ABCG2: variants seen among roughly 807,000 people sequenced by gnomAD.
ABCG2 encodes the protein ATP binding cassette subfamily G member 2 (JR blood group), also known as broad substrate specificity ATP-binding cassette transporter ABCG2.
In ABCG2, 80 loss-of-function variants were observed where a neutral mutation model predicts 73.5. The ratio of observed to expected loss-of-function variants is 1.09; its 90% CI spans 0.91 to 1.31. The LOEUF is 1.31. Among genes scored for constraint, ABCG2 ranks in the 50% most tolerant of loss-of-function variants. The pLI, the probability that ABCG2 is intolerant of heterozygous loss-of-function variation, is 0.00. For synonymous variants in ABCG2, 269 were observed against 282.4 expected, an observed-to-expected ratio of 0.95 and a Z score of 0.48; for missense variants, 796 against 786.2, an observed-to-expected ratio of 1.01 and a Z score of -0.15.
In ABCG2 at chr4:88,132,576, G is replaced by C. The variant is rs200415908; in HGVS notation, c.263C>G (p.Ser88Trp). 1 of 1,614,078 alleles carries C rather than the reference G, an allele frequency of 6.2e-7. No homozygotes were observed. Among genetic ancestry groups the C allele is most frequent in the Non-Finnish European group, 8.5e-7 (1 of 1,179,988 alleles). The change falls in exon 3 of 16, where the codon TCG (serine) becomes TGG (tryptophan). Residue 88 changes from serine (S) to tryptophan (W), a missense_variant and splice_region_variant. Transcript: ENST00000237612. ...CTTACTTATACTCTCTTATACTCACGAAGATTTGCCTCCACCTGTGGGTCC... is the reference window on the plus strand; with the variant it reads ...CTTACTTATACTCTCTTATACTCACCAAGATTTGCCTCCACCTGTGGGTCC... ...ILGPTGGGKS[S>W]LLDVLAARKD... is the part of the protein sequence containing the mutation.
In ABCG2 at chr4:88,131,053, C is replaced by T; in HGVS notation, c.531+8G>A. 1 of 1,613,456 alleles carries T rather than the reference C, an allele frequency of 6.2e-7. No homozygotes were observed. The highest frequency in any genetic ancestry group is 8.5e-7 in the Non-Finnish European group (1 of 1,179,800). On this transcript the variant is annotated splice_region_variant and intron_variant, in intron 5 of 15. Coordinates refer to ENST00000237612, the MANE Select transcript of ABCG2 (RefSeq NM_004827.3). The stretch of plus-strand genomic sequence containing the variant: ...CTGATCATGATGCTTTCAGTTTTTC[C>T]ACATTACCTTGGAGTCTGCCACTTT...
Position 88,205,109 on chromosome 4 carries a change from G to A in ABCG2, c.-20+25885C>T, listed in dbSNP as rs112973011. 5.9e-3 allele frequency among the ~76,000 whole-genome samples: 893 copies of A among 152,260 alleles called. 7 individuals carry two copies. Among genetic ancestry groups the A allele is most frequent in the African/African-American group, 0.018 (765 of 41,544 alleles). On this transcript the variant is annotated intron_variant, in intron 1 of 15. Coordinates refer to the ABCG2 transcript ENST00000515655. ...AGCTGTTCACCTTTTCCTGAAGTAC[G>A]TCTACCAACAGGGGCACACTAGGAA...
At chr4:88,182,438 A>T (rs1414764368) in intron 1 of ABCG2, among the ~76,000 whole-genome samples, 1 of 152,226 alleles carries the variant, frequency 6.6e-6, no homozygotes, top group African/African-American at 2.4e-5. Flanking sequence ...TCCAACAGCT[A>T]CAGAATACAC....
chr4:88,210,981 G>A (rs1022330486), intron 1 of ABCG2, among the ~76,000 whole-genome samples: 1 of 152,030 alleles, frequency 6.6e-6, no homozygotes, highest in Non-Finnish European at 1.5e-5. Context: ...GGAGAATGAG[G>A]TGAGAGGATT....
chr4:88,216,702 A>T (rs1037960882), intron 1 of ABCG2, among the ~76,000 whole-genome samples: 7 of 152,188 alleles, frequency 4.6e-5, no homozygotes, highest in Non-Finnish European at 1.0e-4. Flanking sequence ...ACAGCCTTTT[A>T]TCTTCTCAGG....
At chr4:88,163,689 C>T, upstream of ABCG2, 1 of 348,742 alleles carries the variant, frequency 2.9e-6, no homozygotes. Context: ...ATAGAGTGGG[C>T]TTCAAGAAGT....
chr4:88,214,224 A>G lies in ABCG2; in HGVS notation c.-20+16770T>C, dbSNP rs566614205. Among the ~76,000 whole-genome samples, 5 of 150,452 alleles carry G rather than the reference A, an allele frequency of 3.3e-5. No homozygotes were observed. The South Asian group carries it at 1.1e-3, about 32-fold the overall frequency. ...GCTGGTCTCAAACTCGGGCTCCAGC[A>G]GTGTACCCGCCTCAGCTTCCCAAAG... On this transcript the variant is annotated intron_variant, in intron 1 of 15. Transcript: ENST00000515655.
chr4:88,094,939 C>T (rs746293662), intron 14 of ABCG2, among the ~76,000 whole-genome samples: 9 of 152,268 alleles, frequency 5.9e-5, no homozygotes, highest in Middle Eastern at 3.4e-3. Context: ...CTTCTCTCCC[C>T]AATTTTGTAA....
intron 1 of ABCG2, among the ~76,000 whole-genome samples, chr4:88,152,124 T>C (rs1371020204): frequency 6.6e-6 from 1 of 152,212 alleles, no homozygotes; most frequent in Non-Finnish European, 1.5e-5. Flanking sequence ...CCTGGTTTCT[T>C]ACCAGAGCCT....
chr4:88,156,737 A>G (rs149775842), intron 1 of ABCG2, among the ~76,000 whole-genome samples: 71 of 152,350 alleles, frequency 4.7e-4, no homozygotes, highest in Non-Finnish European at 7.8e-4. Flanking sequence ...TTAAGGAAAA[A>G]TGGCAGTGCA....
intron 1 of ABCG2, among the ~76,000 whole-genome samples, chr4:88,192,718 CTT>C (rs1202379857): frequency 1.5e-5 from 2 of 137,088 alleles, no homozygotes; most frequent in African/African-American, 2.7e-5. Context: ...TATGCCTGGC[CTT>C]TTTTTTTTTT....
Position 88,140,001 on chromosome 4 carries a change from G to C in ABCG2, c.-6C>G, listed in dbSNP as rs763172520. On this transcript the variant is annotated 5_prime_UTR_variant, in exon 2 of 16. Coordinates refer to ENST00000237612, the MANE Select transcript of ABCG2 (RefSeq NM_004827.3). The stretch of plus-strand genomic sequence containing the variant: ...TCGACATTACTGGAAGACATCTGGA[G>C]AGTTTTTATCTTTCTGCAGACAGAA... 2 of 1,613,390 alleles carry C rather than the reference G, an allele frequency of 1.2e-6. No homozygotes were observed. The highest frequency in any genetic ancestry group is 1.7e-4 in the Middle Eastern group (1 of 6,052).
chr4:88,225,466 G>A (rs142636701), intron 1 of ABCG2, among the ~76,000 whole-genome samples: 5 of 152,170 alleles, frequency 3.3e-5, no homozygotes, highest in Non-Finnish European at 7.3e-5. Context: ...GGAGAAAGGG[G>A]CAAGGGCCAG....
chr4:88,166,025 G>A (rs1727505275), intron 1 of ABCG2, among the ~76,000 whole-genome samples: 1 of 152,196 alleles, frequency 6.6e-6, no homozygotes, highest in South Asian at 2.1e-4. Context: ...CTCACCACAA[G>A]GCCCCAAGGA....
intron 10 of ABCG2, among the ~76,000 whole-genome samples, chr4:88,102,595 C>A (rs201744625): frequency 1.5e-3 from 211 of 137,778 alleles, no homozygotes; most frequent in Non-Finnish European, 2.0e-3. Context: ...GACACTGTCT[C>A]AAAAAAAAAA....
intron 1 of ABCG2, among the ~76,000 whole-genome samples, chr4:88,191,095 A>ATTAGCCAGGCATTGTGGAGGGTGCCG (rs1473267266): frequency 6.6e-6 from 1 of 151,190 alleles, no homozygotes; most frequent in Non-Finnish European, 1.5e-5. Flanking sequence ...ACAAAAAAAA[A>ATTAGCCAGGCATTGTGGAGGGTGCCG]TTAGCCAGGC....
intron 1 of ABCG2, among the ~76,000 whole-genome samples, chr4:88,199,336 A>T (rs1311481873): frequency 6.6e-6 from 1 of 152,220 alleles, no homozygotes; most frequent in African/African-American, 2.4e-5. Context: ...ACCAAACTAC[A>T]GATTCAGGAA....
At chr4:88,166,642 T>C (rs920044728) in intron 1 of ABCG2, among the ~76,000 whole-genome samples, 6 of 151,980 alleles carry the variant, frequency 3.9e-5, no homozygotes, top group African/African-American at 1.2e-4. Flanking sequence ...CTGTAAACAG[T>C]GGTTTGAAAG....
intron 11 of ABCG2, among the ~76,000 whole-genome samples, chr4:88,099,729 A>C (rs1306178292): frequency 6.6e-6 from 1 of 152,206 alleles, no homozygotes; most frequent in African/African-American, 2.4e-5. Flanking sequence ...CCAGGGAAAC[A>C]GATTCCACAC....
Sources: gnomAD v4.1 joint callset for allele counts (sites outside exome capture counted in the v4.1 genomes callset) on GRCh38, gnomAD v4.1.1 for gene constraint, MANE v1.5 for transcripts, NCBI Gene and HGNC (gene_info 2026-07-23, HGNC 2026-07-21) for gene names.